Variants in NPIPB11 observed in about 807,000 individuals in gnomAD.
NPIPB11 encodes the protein nuclear pore complex interacting protein family member B11.
A neutral mutation model predicts 32.8 loss-of-function variants in NPIPB11; 17 were observed. That is an observed-to-expected ratio of 0.52 (90% CI 0.35 to 0.78). NPIPB11 has a LOEUF of 0.78. NPIPB11 is among the 30% of genes least tolerant of loss of function. The probability of loss-of-function intolerance (pLI) is 0.01; values close to 1 mark genes in which losing one functional copy is unlikely to be tolerated. For synonymous variants in NPIPB11, 209 were observed against 398.4 expected (o/e 0.52, Z 5.66); for missense variants, 537 against 1,000.4 (o/e 0.54, Z 6.25).
chr16:29,403,077 TA>T (rs1041739044), intron 2 of NPIPB11, among the ~76,000 whole-genome samples: 1 of 148,086 alleles, frequency 6.8e-6, no homozygotes, highest in Non-Finnish European at 1.5e-5. Context: ...TTTTGCAGGA[TA>T]ATTTTTTTTT....
chr16:29,394,714 G>A (rs2142130644), intron 2 of NPIPB11, among the ~76,000 whole-genome samples: 1 of 152,026 alleles, frequency 6.6e-6, no homozygotes, highest in South Asian at 2.1e-4. Context: ...TTACAGGTGT[G>A]AGCCACCGTG....
rs554121147 is a variant in NPIPB11, at chr16:29,390,859, A to G, written c.250-511T>C. ...ATGCCTGTAATCCCAGCTAGTCGGG[A>G]GGTTGAGGCAGGATAATCACTTGAA... On this transcript the variant is annotated intron_variant, in intron 3 of 7. Coordinates refer to ENST00000524087, the Ensembl canonical transcript of NPIPB11. 5.1e-4 allele frequency among the ~76,000 whole-genome samples: 75 copies of G among 147,834 alleles called. 1 individual carries two copies. The East Asian group carries it at 0.012, about 24-fold the overall frequency.
chr16:29,394,382 T>G (rs1415406225), intron 2 of NPIPB11, among the ~76,000 whole-genome samples: 2 of 149,704 alleles, frequency 1.3e-5, no homozygotes, highest in Non-Finnish European at 3.0e-5. Flanking sequence ...GAGCCACACA[T>G]AACATACACA....
chr16:29,401,233 T>C (rs138147077), intron 2 of NPIPB11, among the ~76,000 whole-genome samples: 1 of 152,244 alleles, frequency 6.6e-6, no homozygotes, highest in Non-Finnish European at 1.5e-5. Context: ...AAATAGTGCC[T>C]GGATTTAACT....
chr16:29,394,046 G>T, exon 3 of NPIPB11: 1 of 1,599,244 alleles, frequency 6.3e-7, no homozygotes, highest in Non-Finnish European at 8.5e-7. Context: ...TCAGTCCCAC[G>T]ATGATGATGG....
intron 3 of NPIPB11, 59 bp downstream of exon 3, chr16:29,393,889 T>C: frequency 7.3e-7 from 1 of 1,374,438 alleles, no homozygotes; most frequent in South Asian, 1.3e-5. Flanking sequence ...AATTGTTTTA[T>C]ATAATTTATT....
chr16:29,390,594 G>C (rs576216975), intron 3 of NPIPB11, among the ~76,000 whole-genome samples: 14 of 150,702 alleles, frequency 9.3e-5, no homozygotes, highest in South Asian at 4.2e-4. Flanking sequence ...GGAGGTTGCA[G>C]TGAGCCGAGA....
chr16:29,390,009 C>G lies in NPIPB11; in HGVS notation c.477G>C (p.Lys159Asn). The change falls in exon 5 of 8, where the codon AAG (lysine) becomes AAC (asparagine). Residue 159 changes from lysine to asparagine, a missense_variant. Physicochemically the swap from Lys to Asn is moderately conservative, Grantham distance 94. Coordinates refer to ENST00000524087, the Ensembl canonical transcript of NPIPB11. ...GGTTGATTTTCGTTGTCACCTTCCTCTTACGGATTTTAGCTCTAACTTTTG... is the reference window on the plus strand; with the variant it reads ...GGTTGATTTTCGTTGTCACCTTCCTGTTACGGATTTTAGCTCTAACTTTTG... 5 of 1,593,272 alleles carry G rather than the reference C, an allele frequency of 3.1e-6. No homozygotes were observed. The South Asian group carries it at 5.5e-5, about 18-fold the overall frequency.
chr16:29,402,381 G>A (rs1964011152), intron 2 of NPIPB11, among the ~76,000 whole-genome samples: 1 of 113,214 alleles, frequency 8.8e-6, no homozygotes, highest in Non-Finnish European at 1.7e-5. Context: ...CATAGCCAGT[G>A]TTTTTCTCTT....
intron 2 of NPIPB11, among the ~76,000 whole-genome samples, chr16:29,398,593 A>G (rs1963917157): frequency 6.6e-6 from 1 of 151,890 alleles, no homozygotes. Context: ...ATCTCAATAT[A>G]TTTGAGAGCA....
At chr16:29,402,636 G>T (rs1443888426) in intron 2 of NPIPB11, among the ~76,000 whole-genome samples, 15 of 144,348 alleles carry the variant, frequency 1.0e-4, no homozygotes, top group Non-Finnish European at 4.5e-5. Context: ...CCGGGAGACG[G>T]AGGTTGCAGT....
chr16:29,399,453 G>A (rs1327366488), intron 2 of NPIPB11, among the ~76,000 whole-genome samples: 1 of 149,810 alleles, frequency 6.7e-6, no homozygotes, highest in Non-Finnish European at 1.5e-5. Flanking sequence ...TGTAATCCCA[G>A]CACTTTGGGA....
At chr16:29,401,431 ACT>A (rs1433519089) in intron 2 of NPIPB11, among the ~76,000 whole-genome samples, 1 of 151,824 alleles carries the variant, frequency 6.6e-6, no homozygotes, top group Non-Finnish European at 1.5e-5. Flanking sequence ...TCTGAAGTCT[ACT>A]CTGTTTCATC....
chr16:29,402,748 G>C (rs929947598), intron 2 of NPIPB11, among the ~76,000 whole-genome samples: 10 of 150,360 alleles, frequency 6.7e-5, no homozygotes, highest in African/African-American at 2.2e-4. Context: ...GTGTGTGTGT[G>C]TGTGTGTGTG....
At chr16:29,406,174 CT>C (rs1416805299), upstream of NPIPB11, among the ~76,000 whole-genome samples, 60 of 152,348 alleles carry the variant, frequency 3.9e-4, no homozygotes, top group African/African-American at 1.3e-3. Flanking sequence ...AAGAATGTAT[CT>C]CTCATCTTGT....
chr16:29,402,930 ATGT>A (rs971521695), intron 2 of NPIPB11, among the ~76,000 whole-genome samples: 30 of 145,506 alleles, frequency 2.1e-4, no homozygotes, highest in African/African-American at 7.1e-4. Context: ...TATGTATTAC[ATGT>A]TGTAAAATAA....
In NPIPB11 at chr16:29,398,806, G is replaced by A. The variant is rs1411298036; in HGVS notation, c.121-4730C>T. Among the ~76,000 whole-genome samples, 4 of 151,926 alleles carry A rather than the reference G, an allele frequency of 2.6e-5. No homozygotes were observed. In the East Asian group the frequency reaches 7.8e-4, roughly 30 times the overall value. ...GCAATAAAATGTCTCCCTCTGGCCT[G>A]GGAATTCCTCTTTGTGGCACAAGGT... On this transcript the variant is annotated intron_variant, in intron 2 of 7. Transcript: ENST00000524087.
chr16:29,392,163 A>G (rs1255863836), intron 3 of NPIPB11, among the ~76,000 whole-genome samples: 4 of 152,080 alleles, frequency 2.6e-5, no homozygotes, highest in Admixed American at 2.6e-4. Flanking sequence ...TCAATCCCAC[A>G]GCTACTGCTA....
At chr16:29,393,497 G>A (rs989297024) in intron 3 of NPIPB11, among the ~76,000 whole-genome samples, 2 of 152,002 alleles carry the variant, frequency 1.3e-5, no homozygotes, top group African/African-American at 4.8e-5. Flanking sequence ...TCATTTTTCA[G>A]CTGGTTCCCA....
Sources: gnomAD v4.1 joint callset for allele counts (sites outside exome capture counted in the v4.1 genomes callset) on GRCh38, gnomAD v4.1.1 for gene constraint, MANE v1.5 for transcripts, NCBI Gene and HGNC (gene_info 2026-07-23, HGNC 2026-07-21) for gene names.